The following HSPBAP1 variants were observed in gnomAD, a reference collection of about 807,000 sequenced individuals.
HSPBAP1 encodes the protein HSPB1 associated protein 1.
HSPBAP1 carries 27 observed loss-of-function variants against 45.2 expected under a neutral mutation model. The observed-to-expected ratio is 0.60, with a 90% CI of 0.44 to 0.82. The LOEUF is 0.82. HSPBAP1 is among the 40% of genes least tolerant of loss of function. The pLI is 0.00. For synonymous variants in HSPBAP1, 204 were observed against 202.7 expected (o/e 1.01, Z -0.06); for missense variants, 510 against 590.9 (o/e 0.86, Z 1.42).
At chr3:122,772,669 GA>G (rs1431660714) in intron 2 of HSPBAP1, among the ~76,000 whole-genome samples, 5 of 151,318 alleles carry the variant, frequency 3.3e-5, no homozygotes, top group African/African-American at 9.7e-5. Flanking sequence ...TAATCAATTA[GA>G]AAAAAATTAT....
At chr3:122,745,422 T>C (rs1462496718) in intron 6 of HSPBAP1, among the ~76,000 whole-genome samples, 2 of 152,224 alleles carry the variant, frequency 1.3e-5, no homozygotes, top group Non-Finnish European at 2.9e-5. Flanking sequence ...CAGTCCGCCC[T>C]TATCTGCAGT....
intron 6 of HSPBAP1, among the ~76,000 whole-genome samples, chr3:122,749,478 C>T (rs917374217): frequency 9.2e-5 from 14 of 152,052 alleles, no homozygotes; most frequent in Middle Eastern, 3.2e-3. Context: ...GAATAAAGGA[C>T]TTTGTATCTA....
chr3:122,746,942 C>G (rs1246103794), intron 6 of HSPBAP1, among the ~76,000 whole-genome samples: 1 of 151,956 alleles, frequency 6.6e-6, no homozygotes, highest in Non-Finnish European at 1.5e-5. Context: ...GACGGAGTCT[C>G]GTTCACTCAG....
chr3:122,752,632 T>C lies in HSPBAP1; in HGVS notation c.784A>G (p.Ile262Val). ...PRHWWHYVES[I>V]DPVTVSINSW... is the part of the protein sequence containing the mutation. ...TTTATACTGACAGTGACAGGATCAA[T>C]GGATTCTACGTAATGCCACCAGTGT... The change falls in exon 6 of 8, where the codon ATT (isoleucine) becomes GTT (valine). Residue 262 changes from isoleucine to valine, a missense_variant. Physicochemically the swap from Ile to Val is conservative, Grantham distance 29 (BLOSUM62 3). Transcript: ENST00000306103. The C allele has an allele frequency of 6.2e-7, 1 of 1,605,572 alleles. No individual in the cohort carries two copies. Among genetic ancestry groups the C allele is most frequent in the Non-Finnish European group, 8.5e-7 (1 of 1,177,700 alleles).
At chr3:122,781,231 C>G (rs188140332) in intron 1 of HSPBAP1, among the ~76,000 whole-genome samples, 1 of 151,726 alleles carries the variant, frequency 6.6e-6, no homozygotes, top group Non-Finnish European at 1.5e-5. Flanking sequence ...TGTAGCGAGC[C>G]GAGATCACGC....
At chr3:122,780,003 G>C (rs980997697) in intron 1 of HSPBAP1, among the ~76,000 whole-genome samples, 4 of 151,628 alleles carry the variant, frequency 2.6e-5, no homozygotes, top group African/African-American at 7.3e-5. Flanking sequence ...ATCATGGCCC[G>C]TTCTCAATGA....
rs751757654 is a variant in HSPBAP1 at position 122,740,777 on chromosome 3, T to C, written c.1035A>G (p.Gln345=). ...RCRTSEVVEI[Q]ALRTDGEHMK... ...TGTGCTCTCCATCTGTTCTCAGTGC[T>C]TGGATTTCTACTACCTCAGATGTTC... The change falls in exon 8 of 8, where the codon CAA becomes CAG. Residue 345 remains glutamine, a synonymous_variant. Transcript: ENST00000306103. 3.7e-6 allele frequency: 6 copies of C among 1,614,142 alleles called. No individual in the cohort carries two copies. The highest frequency in any genetic ancestry group is 5.1e-6 in the Non-Finnish European group (6 of 1,180,044).
intron 6 of HSPBAP1, among the ~76,000 whole-genome samples, chr3:122,743,551 A>G (rs1933742677): frequency 6.6e-6 from 1 of 152,064 alleles, no homozygotes; most frequent in African/African-American, 2.4e-5. Context: ...GGGCAACAAG[A>G]GCGAAACTTT....
rs1934237173 is a variant in HSPBAP1, at chr3:122,753,586, C to T, written c.742-912G>A. ...CAGAGTCAAGAAGGATGGCATCTATCCAGACTCAGTATGAGATTTCCTATT... is the reference window on the plus strand; with the variant it reads ...CAGAGTCAAGAAGGATGGCATCTATTCAGACTCAGTATGAGATTTCCTATT... On this transcript the variant is annotated intron_variant, in intron 5 of 7. Transcript: ENST00000306103. The T allele has an allele frequency of 1.8e-5, 18 of 984,360 alleles. No individual in the cohort carries two copies. The South Asian group carries it at 7.5e-4, about 41-fold the overall frequency. 61.0% of individuals were successfully genotyped at this position (984,360 alleles called of 1,614,324 possible). A position where few individuals can be genotyped will look rare whatever the true frequency, so the allele number is the denominator to read the frequency against.
In HSPBAP1 at chr3:122,755,192, T is replaced by A. The variant is rs1934302223; in HGVS notation, c.741+68A>T. ...GCGCAGGGAGGGGAAGCACACAGCATAAGGACTTGAGAGAGTTACAGCTGT... is the reference window on the plus strand; with the variant it reads ...GCGCAGGGAGGGGAAGCACACAGCAAAAGGACTTGAGAGAGTTACAGCTGT... On this transcript the variant is annotated intron_variant, in intron 5 of 7. Transcript: ENST00000306103. 3.0e-6 allele frequency: 4 copies of A among 1,340,412 alleles called. No individual in the cohort carries two copies. The South Asian group carries it at 7.4e-5, about 25-fold the overall frequency. The allele number at this position is 1,340,412 out of a possible 1,614,324, so 83.0% of individuals were successfully genotyped here.
At chr3:122,746,629 T>TC (rs1262554163) in intron 6 of HSPBAP1, among the ~76,000 whole-genome samples, 3 of 150,830 alleles carry the variant, frequency 2.0e-5, no homozygotes, top group Non-Finnish European at 3.0e-5. Flanking sequence ...CTCTCCTCTC[T>TC]CTCTCCTCTC....
chr3:122,776,251 C>T (rs992619134), intron 2 of HSPBAP1, among the ~76,000 whole-genome samples: 12 of 152,054 alleles, frequency 7.9e-5, no homozygotes, highest in Admixed American at 3.9e-4. Flanking sequence ...TTTTAAATGG[C>T]TAAAATGCTA....
intron 1 of HSPBAP1, among the ~76,000 whole-genome samples, chr3:122,778,571 G>C (rs1935276799): frequency 6.8e-6 from 1 of 147,808 alleles, no homozygotes; most frequent in South Asian, 2.1e-4. Context: ...GCCCAGGCTA[G>C]AGTGCTGGAG....
chr3:122,782,647 C>T lies in HSPBAP1; in HGVS notation c.65-4741G>A, dbSNP rs547070202. On this transcript the variant is annotated intron_variant, in intron 1 of 7. Transcript: ENST00000306103. ...GAATGTAGGGATGCTCCTTTATACT[C>T]TCTGACCCTCAAAATATATATTTAT... Among the ~76,000 whole-genome samples, 201 of 152,274 alleles carry T rather than the reference C, an allele frequency of 1.3e-3. 1 individual carries two copies. The highest frequency in any genetic ancestry group is 4.5e-3 in the African/African-American group (189 of 41,560).
At chr3:122,758,965 T>G in intron 4 of HSPBAP1, 1 of 464,732 alleles carries the variant, frequency 2.2e-6, no homozygotes. Context: ...ATCTCAGAGT[T>G]CTAGAATAAA....
intron 3 of HSPBAP1, among the ~76,000 whole-genome samples, chr3:122,765,216 G>A (rs1214130495): frequency 6.6e-6 from 1 of 152,180 alleles, no homozygotes; most frequent in Admixed American, 6.5e-5. Context: ...GGGGCTGTTT[G>A]AAATTTGGAT....
intron 1 of HSPBAP1, among the ~76,000 whole-genome samples, chr3:122,790,019 T>C (rs1201255369): frequency 1.3e-5 from 2 of 152,096 alleles, no homozygotes; most frequent in African/African-American, 2.4e-5. Flanking sequence ...TGTGCCACCA[T>C]GCCCAGTTTA....
At chr3:122,757,939 T>C (rs969468980) in intron 4 of HSPBAP1, among the ~76,000 whole-genome samples, 1 of 152,222 alleles carries the variant, frequency 6.6e-6, no homozygotes, top group African/African-American at 2.4e-5. Flanking sequence ...ACTCATCTGA[T>C]TGACTCTTGC....
At chr3:122,779,856 G>A (rs920632187) in intron 1 of HSPBAP1, among the ~76,000 whole-genome samples, 43 of 152,188 alleles carry the variant, frequency 2.8e-4, no homozygotes, top group African/African-American at 1.0e-3. Flanking sequence ...TACCAAGGCA[G>A]AAGAATTTTT....
Sources: gnomAD v4.1 joint callset for allele counts (sites outside exome capture counted in the v4.1 genomes callset) on GRCh38, gnomAD v4.1.1 for gene constraint, MANE v1.5 for transcripts, NCBI Gene and HGNC (gene_info 2026-07-23, HGNC 2026-07-21) for gene names.